CCSER1: variants seen among roughly 807,000 people sequenced by gnomAD.
The protein encoded by CCSER1 is coiled-coil serine rich protein 1.
CCSER1 carries 41 observed loss-of-function variants against 82.0 expected under a neutral mutation model. The observed-to-expected ratio is 0.50, with a 90% CI of 0.39 to 0.65. The LOEUF (loss-of-function observed/expected upper bound fraction) is 0.65. Ranked by LOEUF, CCSER1 falls within the 30% of genes least tolerant of loss-of-function variation. The pLI, the probability that CCSER1 is intolerant of heterozygous loss-of-function variation, is 0.00. For synonymous variants in CCSER1, 414 were observed against 383.9 expected (o/e 1.08, Z -0.92); for missense variants, 1,119 against 1,064.2 (o/e 1.05, Z -0.72).
chr4:90,182,208 A>G (rs974176597), intron 1 of CCSER1, among the ~76,000 whole-genome samples: 17 of 151,986 alleles, frequency 1.1e-4, no homozygotes, highest in African/African-American at 4.1e-4. Context: ...CTTTTGTCTA[A>G]TTATTATGAA....
At chr4:90,569,059 T>A (rs1779789851) in intron 5 of CCSER1, among the ~76,000 whole-genome samples, 1 of 152,180 alleles carries the variant, frequency 6.6e-6, no homozygotes, top group African/African-American at 2.4e-5. Flanking sequence ...GCCTCTTGCT[T>A]TCTTTTTTGT....
At chr4:90,994,627 T>A (rs1037889954) in intron 9 of CCSER1, among the ~76,000 whole-genome samples, 1 of 152,114 alleles carries the variant, frequency 6.6e-6, no homozygotes, top group Admixed American at 6.6e-5. Context: ...GTAAATGTAG[T>A]AAAGCAATTT....
chr4:90,264,496 A>G (rs763873840), intron 1 of CCSER1, among the ~76,000 whole-genome samples: 17 of 152,176 alleles, frequency 1.1e-4, no homozygotes, highest in Non-Finnish European at 2.2e-4. Context: ...CATTTATGTC[A>G]CTGCCCCACC....
At chr4:90,703,826 G>A (rs1367336417) in intron 6 of CCSER1, among the ~76,000 whole-genome samples, 2 of 151,966 alleles carry the variant, frequency 1.3e-5, no homozygotes, top group African/African-American at 4.8e-5. Flanking sequence ...CATTTGCTTG[G>A]TAGATATTCC....
chr4:90,752,866 T>A (rs969837134), intron 7 of CCSER1, among the ~76,000 whole-genome samples: 28 of 152,154 alleles, frequency 1.8e-4, no homozygotes, highest in Non-Finnish European at 3.5e-4. Context: ...AAACATTTGA[T>A]TCTCATCCCA....
chr4:90,337,095 A>T (rs1375828885), intron 3 of CCSER1, among the ~76,000 whole-genome samples: 1 of 152,210 alleles, frequency 6.6e-6, no homozygotes, highest in Non-Finnish European at 1.5e-5. Flanking sequence ...CTTCCCATGT[A>T]CCAGTTCTCT....
At chr4:90,818,631 G>T (rs192774165) in intron 8 of CCSER1, among the ~76,000 whole-genome samples, 9 of 152,176 alleles carry the variant, frequency 5.9e-5, no homozygotes, top group Admixed American at 2.0e-4. Context: ...TGTTTTTAGG[G>T]CATGGTTTCT....
chr4:91,241,780 T>C (rs941869630), intron 10 of CCSER1, among the ~76,000 whole-genome samples: 3 of 136,464 alleles, frequency 2.2e-5, no homozygotes, highest in African/African-American at 9.0e-5. Context: ...TAAAATAAGA[T>C]GCAAATTAAC....
intron 10 of CCSER1, among the ~76,000 whole-genome samples, chr4:91,121,264 A>T (rs1005970718): frequency 1.6e-4 from 24 of 151,828 alleles, no homozygotes; most frequent in African/African-American, 5.8e-4. Context: ...TATTAGTTTC[A>T]TAATGGCAAA....
intron 10 of CCSER1, among the ~76,000 whole-genome samples, chr4:91,107,631 C>A (rs988980772): frequency 3.2e-5 from 4 of 123,562 alleles, no homozygotes; most frequent in African/African-American, 6.0e-5. Context: ...AAGGCATTTT[C>A]TTTTTCTCTT....
At chr4:90,648,689 A>G (rs544336419) in intron 6 of CCSER1, among the ~76,000 whole-genome samples, 1 of 152,340 alleles carries the variant, frequency 6.6e-6, no homozygotes, top group African/African-American at 2.4e-5. Flanking sequence ...GAGAAGCTGT[A>G]GGAGAAACCA....
Position 90,932,929 on chromosome 4 carries a change from A to G in CCSER1, c.2172+9482A>G, listed in dbSNP as rs866955369. The stretch of plus-strand genomic sequence containing the variant: ...GAAGGAGAAAGAAAGAAAGAAAGAA[A>G]GAAAGAAAGAAAGAAAGAAAGAAAG... On this transcript the variant is annotated intron_variant, in intron 9 of 10. Coordinates refer to ENST00000509176, the MANE Select transcript of CCSER1 (RefSeq NM_001145065.2). 3.9e-3 allele frequency among the ~76,000 whole-genome samples: 119 copies of G among 30,734 alleles called. 36 individuals carry two copies. Among genetic ancestry groups the G allele is most frequent in the Non-Finnish European group, 5.3e-3 (94 of 17,680 alleles). The allele number at this position is 30,734 out of a possible 152,430, so 20.2% of individuals were successfully genotyped here. A position where few individuals can be genotyped will look rare whatever the true frequency, so the allele number is the denominator to read the frequency against.
intron 1 of CCSER1, among the ~76,000 whole-genome samples, chr4:90,176,188 G>A (rs1416981850): frequency 1.3e-5 from 2 of 152,000 alleles, no homozygotes; most frequent in African/African-American, 4.8e-5. Context: ...GACAAGCTCT[G>A]TGTGAAGGAG....
intron 10 of CCSER1, among the ~76,000 whole-genome samples, chr4:91,142,055 G>A (rs1299850391): frequency 6.6e-6 from 1 of 152,106 alleles, no homozygotes. Flanking sequence ...TCTGCAGATT[G>A]TCTGCTTACC....
At chr4:90,817,321 G>C (rs528520767) in intron 8 of CCSER1, among the ~76,000 whole-genome samples, 21 of 152,090 alleles carry the variant, frequency 1.4e-4, no homozygotes, top group African/African-American at 4.6e-4. Context: ...ACTCAGAAAA[G>C]AGTATTCTTT....
intron 1 of CCSER1, among the ~76,000 whole-genome samples, chr4:90,307,532 G>T (rs539309146): frequency 1.2e-4 from 18 of 150,706 alleles, no homozygotes; most frequent in South Asian, 6.3e-4. Flanking sequence ...GATGGCATAA[G>T]AGAATTACCT....
intron 1 of CCSER1, among the ~76,000 whole-genome samples, chr4:90,180,141 T>TAA (rs1553950244): frequency 0.027 from 3,802 of 139,340 alleles, 179 homozygotes; most frequent in African/African-American, 0.09. Flanking sequence ...TATATATATA[T>TAA]AAATTATATT....
At chr4:90,146,078 G>A (rs78267142) in intron 1 of CCSER1, among the ~76,000 whole-genome samples, 1 of 151,984 alleles carries the variant, frequency 6.6e-6, no homozygotes, top group Non-Finnish European at 1.5e-5. Flanking sequence ...CTTTAAGTGG[G>A]AAAAATGTTT....
At chr4:91,500,145 G>A (rs11731642) in intron 10 of CCSER1, among the ~76,000 whole-genome samples, 103,261 of 151,686 alleles carry the variant, frequency 0.68, 35,638 homozygotes, top group Middle Eastern at 0.75. Flanking sequence ...TTGTGTTGTA[G>A]GCGTTTTGGA....
Sources: allele counts gnomAD v4.1 joint callset (sites outside exome capture counted in the v4.1 genomes callset), GRCh38; gene constraint gnomAD v4.1.1; transcripts MANE v1.5; gene names NCBI Gene and HGNC (gene_info 2026-07-23, HGNC 2026-07-21).